ARL15: variants seen among roughly 807,000 people sequenced by gnomAD.
The protein encoded by ARL15 is ARF like GTPase 15.
ARL15 carries 19 observed loss-of-function variants against 25.2 expected under a neutral mutation model. The observed-to-expected ratio is 0.75, with a 90% confidence interval of 0.53 to 1.10. ARL15 has a LOEUF of 1.10. Among genes scored for constraint, ARL15 ranks in the 50% least tolerant of loss-of-function variants. The probability of loss-of-function intolerance (pLI) is 0.00; values close to 1 mark genes in which losing one functional copy is unlikely to be tolerated. For synonymous variants in ARL15, 94 were observed against 86.8 expected (o/e 1.08, Z -0.46); for missense variants, 220 against 246.0 (o/e 0.89, Z 0.71).
At chr5:54,243,092 A>C (rs537175972) in intron 1 of ARL15, among the ~76,000 whole-genome samples, 2 of 152,330 alleles carry the variant, frequency 1.3e-5, no homozygotes, top group South Asian at 2.1e-4. Context: ...TCCAAGTATC[A>C]ACAATAATAG....
intron 4 of ARL15, among the ~76,000 whole-genome samples, chr5:53,911,386 C>T (rs976648626): frequency 6.6e-6 from 1 of 151,408 alleles, no homozygotes; most frequent in Non-Finnish European, 1.5e-5. Flanking sequence ...CCTTCTCTCC[C>T]TCATTCCTTC....
intron 4 of ARL15, among the ~76,000 whole-genome samples, chr5:53,905,732 C>T (rs1242103737): frequency 3.9e-5 from 6 of 152,062 alleles, no homozygotes; most frequent in Non-Finnish European, 8.8e-5. Flanking sequence ...TCCAGAAAAG[C>T]GCTTAAAAAC....
intron 4 of ARL15, among the ~76,000 whole-genome samples, chr5:54,007,544 T>C (rs1476284488): frequency 6.6e-6 from 1 of 152,108 alleles, no homozygotes; most frequent in African/African-American, 2.4e-5. Flanking sequence ...CGGTGGCTCA[T>C]GCCTGTAATC....
chr5:54,008,362 T>C (rs1002554980), intron 4 of ARL15, among the ~76,000 whole-genome samples: 4 of 152,232 alleles, frequency 2.6e-5, no homozygotes, highest in Non-Finnish European at 4.4e-5. Context: ...GACTACTAAA[T>C]GCATTATTAA....
chr5:54,072,705 A>G (rs1266519003), intron 4 of ARL15, among the ~76,000 whole-genome samples: 1 of 152,230 alleles, frequency 6.6e-6, no homozygotes, highest in Non-Finnish European at 1.5e-5. Context: ...CACAACACAG[A>G]AGATACTGCA....
At chr5:54,060,770 G>T (rs1403747569) in intron 4 of ARL15, among the ~76,000 whole-genome samples, 1 of 152,190 alleles carries the variant, frequency 6.6e-6, no homozygotes, top group African/African-American at 2.4e-5. Context: ...GCAGCATTTT[G>T]CTTCTGCCCT....
At chr5:54,201,489 T>C (rs1017951533) in intron 1 of ARL15, among the ~76,000 whole-genome samples, 6 of 152,096 alleles carry the variant, frequency 3.9e-5, no homozygotes, top group Admixed American at 6.6e-5. Flanking sequence ...AGAACCCCCA[T>C]ATCTAATTTG....
chr5:54,047,500 A>G (rs1360204180), intron 4 of ARL15, among the ~76,000 whole-genome samples: 1 of 152,154 alleles, frequency 6.6e-6, no homozygotes, highest in African/African-American at 2.4e-5. Context: ...AACCCCTATT[A>G]CAACATCTTC....
intron 1 of ARL15, among the ~76,000 whole-genome samples, chr5:54,234,573 T>G (rs1369986705): frequency 6.6e-6 from 1 of 152,202 alleles, no homozygotes; most frequent in Non-Finnish European, 1.5e-5. Context: ...TTAATAATGA[T>G]ATGGTTGCTT....
At position 54,310,491 on chromosome 5, in the gene ARL15, A is replaced by C. The variant is rs1332099319; in HGVS notation, c.-12T>G. On this transcript the variant is annotated 5_prime_UTR_variant, in exon 1 of 5. Coordinates refer to ENST00000504924, the MANE Select transcript of ARL15 (RefSeq NM_019087.3). ...CGGAGATCAGACATCCGGCAGCCTA[A>C]AGCATCCGGAACGGCTCCGAACCCG... 6.2e-7 allele frequency: 1 copy of C among 1,600,164 alleles called. No individual in the cohort carries two copies. Among genetic ancestry groups the C allele is most frequent in the African/African-American group, 1.3e-5 (1 of 74,658 alleles).
In ARL15 at chr5:53,943,701, G is replaced by A. The variant is rs115071577; in HGVS notation, c.463-56988C>T. On this transcript the variant is annotated intron_variant, in intron 4 of 4. Coordinates refer to ENST00000504924, the MANE Select transcript of ARL15 (RefSeq NM_019087.3). ...CCTGAGTGGGTGGCTGAGATAGAGT[G>A]AAAGAAAGATTGTTGGAAGGAAAGT... is the stretch of plus-strand genomic sequence containing the variant. 6.1e-3 allele frequency among the ~76,000 whole-genome samples: 921 copies of A among 152,228 alleles called. 10 individuals are homozygous for A. The highest frequency in any genetic ancestry group is 0.021 in the African/African-American group (858 of 41,534).
At chr5:53,916,445 C>T (rs1745650914) in intron 4 of ARL15, among the ~76,000 whole-genome samples, 1 of 16,622 alleles carries the variant, frequency 6.0e-5, no homozygotes, top group Admixed American at 6.7e-4. Flanking sequence ...CACCAAACCC[C>T]AGTGACACAA....
At chr5:53,890,363 A>G (rs919981753) in intron 4 of ARL15, among the ~76,000 whole-genome samples, 3 of 152,136 alleles carry the variant, frequency 2.0e-5, no homozygotes, top group African/African-American at 7.2e-5. Flanking sequence ...TCTATTTTTT[A>G]TGATGGACAT....
At chr5:54,214,637 A>G (rs1203894230) in intron 1 of ARL15, among the ~76,000 whole-genome samples, 3 of 152,134 alleles carry the variant, frequency 2.0e-5, no homozygotes, top group Non-Finnish European at 4.4e-5. Flanking sequence ...TGCTTGACCC[A>G]CTTACACAAA....
chr5:53,886,688 G>C lies in ARL15; in HGVS notation c.488C>G (p.Pro163Arg), dbSNP rs1261277620. 4 of 1,564,270 alleles carry C rather than the reference G, an allele frequency of 2.6e-6. No individual in the cohort carries two copies. The highest frequency in any genetic ancestry group is 1.9e-5 in the Admixed American group (1 of 52,338). ...AATCCAGCGTTTTCCACGTGCAAGT[G>C]GTTCAAGTTCAAAATATTTTTTGAT... The part of the protein sequence containing the change: ...QEIKKYFELE[P>R]LARGKRWILQ... The change falls in exon 5 of 5, where the codon CCA becomes CGA. Residue 163 changes from proline (P) to arginine (R), a missense_variant. Pro to Arg is a moderately radical substitution (Grantham distance 103, BLOSUM62 -2). Transcript: ENST00000504924.
chr5:54,220,883 AAGAT>A (rs1756354318), intron 1 of ARL15, among the ~76,000 whole-genome samples: 1 of 152,168 alleles, frequency 6.6e-6, no homozygotes, highest in Admixed American at 6.5e-5. Flanking sequence ...TCCTGGCACT[AAGAT>A]AGATAAGTCC....
intron 2 of ARL15, among the ~76,000 whole-genome samples, chr5:54,160,794 C>T (rs1469252376): frequency 3.3e-5 from 5 of 152,290 alleles, no homozygotes; most frequent in Middle Eastern, 3.4e-3. Context: ...CAGACATTCT[C>T]GCCTTGCTGA....
chr5:54,045,608 A>AG (rs371535766), intron 4 of ARL15, among the ~76,000 whole-genome samples: 1 of 151,790 alleles, frequency 6.6e-6, no homozygotes, highest in African/African-American at 2.4e-5. Context: ...AAAAAAAAAA[A>AG]GCCACCTTAA....
At chr5:54,066,375 T>G (rs1332581553) in intron 4 of ARL15, among the ~76,000 whole-genome samples, 2 of 152,162 alleles carry the variant, frequency 1.3e-5, no homozygotes, top group Non-Finnish European at 2.9e-5. Context: ...AATAGAGAAT[T>G]AATATAAAAG....
Sources: gnomAD v4.1 joint callset for allele counts (sites outside exome capture counted in the v4.1 genomes callset) on GRCh38, gnomAD v4.1.1 for gene constraint, MANE v1.5 for transcripts, NCBI Gene and HGNC (gene_info 2026-07-23, HGNC 2026-07-21) for gene names.